LEO1: variants seen among roughly 807,000 people sequenced by gnomAD.
LEO1 encodes RNA polymerase-associated protein LEO1.
A neutral mutation model predicts 80.4 loss-of-function variants in LEO1; 34 were observed. That is an observed-to-expected ratio of 0.42 (90% confidence interval 0.32 to 0.56). The LOEUF (loss-of-function observed/expected upper bound fraction) is 0.56, where lower values mean the gene tolerates loss of function less well. Ranked by LOEUF, LEO1 falls within the 20% of genes least tolerant of loss-of-function variation. The probability of loss-of-function intolerance (pLI) is 0.10; values close to 1 mark genes in which losing one functional copy is unlikely to be tolerated. For missense variants in LEO1, 631 were observed against 814.2 expected, an observed-to-expected ratio of 0.77 and a Z score of 2.74; for synonymous variants, 262 against 274.9, an observed-to-expected ratio of 0.95 and a Z score of 0.46.
chr15:51,971,761 C>T lies in LEO1; in HGVS notation c.-16G>A. The T allele has an allele frequency of 1.2e-6, 2 of 1,614,100 alleles. No individual in the cohort carries two copies. The highest frequency in any genetic ancestry group is 1.1e-5 in the South Asian group (1 of 91,088). ...TATCCGCCATTATCGCTCACGTCCG[C>T]TGCTGCCTCGGTTAGGGGCAGCTCC... On this transcript the variant is annotated 5_prime_UTR_variant, in exon 1 of 12. Coordinates refer to ENST00000299601, the MANE Select transcript of LEO1 (RefSeq NM_138792.4).
At chr15:51,945,262 C>CAAAAAAA (rs71130110) in intron 11 of LEO1, among the ~76,000 whole-genome samples, 16,136 of 79,500 alleles carry the variant, frequency 0.2, 2,963 homozygotes, top group East Asian at 0.58. Flanking sequence ...ACAAAAAATA[C>CAAAAAAA]AAAAAAAAAA....
intron 5 of LEO1, among the ~76,000 whole-genome samples, 178 bp from the exon 6 acceptor site, chr15:51,959,004 CTTTT>C (rs779645883): frequency 7.1e-6 from 1 of 140,400 alleles, no homozygotes; most frequent in African/African-American, 2.6e-5. Context: ...GTACTTTTTT[CTTTT>C]TTTTTTTTTT....
intron 2 of LEO1, among the ~76,000 whole-genome samples, chr15:51,964,837 C>A (rs148566202): frequency 0.01 from 1,558 of 152,248 alleles, 26 homozygotes; most frequent in African/African-American, 0.036. Context: ...TTATATAATA[C>A]AAAGAAATAT....
intron 6 of LEO1, among the ~76,000 whole-genome samples, chr15:51,956,097 A>G (rs191513934): frequency 2.6e-5 from 4 of 152,274 alleles, no homozygotes; most frequent in Admixed American, 2.0e-4. Context: ...CCTGTCTTCC[A>G]TCTCATACAA....
intron 7 of LEO1, 65 bp from the exon 8 acceptor site, chr15:51,953,328 T>C: frequency 1.9e-6 from 3 of 1,557,786 alleles, no homozygotes; most frequent in Non-Finnish European, 2.6e-6. Flanking sequence ...TTACTTCACT[T>C]AAAGGTGATT....
intron 1 of LEO1, among the ~76,000 whole-genome samples, chr15:51,970,261 G>C (rs2057112235): frequency 6.6e-6 from 1 of 152,168 alleles, no homozygotes; most frequent in African/African-American, 2.4e-5. Flanking sequence ...GGGTTCAAGT[G>C]ATTCTCATGC....
intron 11 of LEO1, among the ~76,000 whole-genome samples, chr15:51,944,918 A>C (rs2056886340): frequency 6.6e-6 from 1 of 152,196 alleles, no homozygotes. Context: ...CAACCTAGGT[A>C]GTCTTTTAAG....
At chr15:51,960,795 G>A in intron 3 of LEO1, 62 bp from the exon 4 acceptor site, 2 of 949,186 alleles carry the variant, frequency 2.1e-6, no homozygotes, top group South Asian at 1.3e-5. Context: ...CTTCACAGCT[G>A]ATCACTTCAA....
chr15:51,954,268 G>C (rs1269309310), intron 7 of LEO1, among the ~76,000 whole-genome samples: 1 of 150,716 alleles, frequency 6.6e-6, no homozygotes, highest in African/African-American at 2.4e-5. Context: ...ACACCAAGTA[G>C]TCCCAGCTAC....
intron 10 of LEO1, 107 bp downstream of exon 10, chr15:51,949,699 CAA>C (rs11387025): frequency 9.1e-3 from 6,449 of 705,148 alleles, no homozygotes; most frequent in Middle Eastern, 0.012. Context: ...GACTCCGTCT[CAA>C]AAAAAAAAAA....
intron 3 of LEO1, 61 bp downstream of exon 3, chr15:51,962,328 A>G (rs974552386): frequency 2.0e-5 from 22 of 1,103,444 alleles, no homozygotes; most frequent in Non-Finnish European, 2.7e-5. Flanking sequence ...TTAGAAATGC[A>G]CTACAGTTAA....
At chr15:51,967,071 TAA>T (rs1374207861) in intron 1 of LEO1, among the ~76,000 whole-genome samples, 3 of 152,026 alleles carry the variant, frequency 2.0e-5, no homozygotes, top group African/African-American at 7.2e-5. Context: ...GAAAAAAGAA[TAA>T]AGAGAAAGGA....
At chr15:51,969,860 A>G (rs2057108947) in intron 1 of LEO1, among the ~76,000 whole-genome samples, 1 of 151,426 alleles carries the variant, frequency 6.6e-6, no homozygotes, top group South Asian at 2.1e-4. Context: ...AAAAAAAAAA[A>G]AAGATGTTCA....
chr15:51,961,458 C>A (rs2057030406), intron 3 of LEO1, among the ~76,000 whole-genome samples: 2 of 151,918 alleles, frequency 1.3e-5, no homozygotes, highest in Admixed American at 1.3e-4. Context: ...AGTGGTGCGA[C>A]CTTGGCTTAC....
intron 6 of LEO1, among the ~76,000 whole-genome samples, chr15:51,955,238 G>A (rs144498549): frequency 6.6e-5 from 10 of 152,080 alleles, no homozygotes; most frequent in East Asian, 3.9e-4. Context: ...ACGCCCGGCC[G>A]AGGAAGAAAT....
chr15:51,964,560 A>C (rs1229743398), intron 2 of LEO1, among the ~76,000 whole-genome samples: 1 of 151,756 alleles, frequency 6.6e-6, no homozygotes, highest in East Asian at 1.9e-4. Context: ...AAAAAAAAAA[A>C]AAACCTCTAC....
chr15:51,968,487 G>A (rs557272561), intron 1 of LEO1, among the ~76,000 whole-genome samples: 141 of 152,122 alleles, frequency 9.3e-4, no homozygotes, highest in Middle Eastern at 3.4e-3. Context: ...GTTGCAGTGA[G>A]CCGAGATCGT....
At chr15:51,965,048 T>C (rs146095246) in intron 2 of LEO1, among the ~76,000 whole-genome samples, 12 of 152,272 alleles carry the variant, frequency 7.9e-5, no homozygotes, top group African/African-American at 2.4e-4. Context: ...TCAGTAACAC[T>C]GTCCATTGAG....
chr15:51,960,851 C>A, intron 3 of LEO1, 118 bp from the exon 4 acceptor site: 1 of 648,424 alleles, frequency 1.5e-6, no homozygotes, highest in Non-Finnish European at 2.7e-6. Context: ...CCACCAAAAA[C>A]ATAATGCTGA....
Sources: allele counts gnomAD v4.1 joint callset (sites outside exome capture counted in the v4.1 genomes callset), GRCh38; gene constraint gnomAD v4.1.1; transcripts MANE v1.5; gene names NCBI Gene and HGNC (gene_info 2026-07-23, HGNC 2026-07-21).